The following LPAR4 variants were observed in gnomAD, a reference collection of about 807,000 sequenced individuals.
LPAR4 encodes the protein lysophosphatidic acid receptor 4, also known as G-protein coupled receptor 23.
Under a neutral mutation model 9.2 loss-of-function variants are expected in LPAR4, and 14 were observed. The ratio of observed to expected loss-of-function variants is 1.51; its 90% confidence interval spans 1.00 to 2.37. The LOEUF is 2.37. Among genes scored for constraint, LPAR4 ranks in the 30% most tolerant of loss-of-function variants. The pLI is 0.00. For synonymous variants in LPAR4, 131 were observed against 97.9 expected (o/e 1.34, Z -1.99); for missense variants, 251 against 272.1 (o/e 0.92, Z 0.55).
At chrX:78,753,419 G>A (rs1434007325) in intron 4 of LPAR4, among the ~76,000 whole-genome samples, 4 of 111,516 alleles carry the variant, frequency 3.6e-5, no homozygotes, top group Non-Finnish European at 7.5e-5. Flanking sequence ...ACCTGTATGG[G>A]AAATATTACC....
intron 4 of LPAR4, among the ~76,000 whole-genome samples, chrX:78,753,889 A>G (rs190769095): frequency 8.9e-6 from 1 of 111,829 alleles, no homozygotes; most frequent in African/African-American, 3.2e-5. Context: ...AATGGGAGCT[A>G]TGAATAGGGC....
Position 78,757,967 on chromosome X carries a change from G to A in LPAR4, c.*1985G>A, listed in dbSNP as rs1036885820. 1.8e-5 allele frequency among the ~76,000 whole-genome samples: 2 copies of A among 111,555 alleles called. No individual in the cohort carries two copies. Among genetic ancestry groups the A allele is most frequent in the Non-Finnish European group, 3.8e-5 (2 of 52,928 alleles). ...GCAAATTTTTAAAACTCATTAACTT[G>A]TTTTTCTTTCTGATGATATGCAGAC... is the stretch of plus-strand genomic sequence containing the variant. On this transcript the variant is annotated 3_prime_UTR_variant, in exon 5 of 5. Coordinates refer to ENST00000614823, the MANE Select transcript of LPAR4 (RefSeq NM_001278000.3).
chrX:78,757,254 A>G lies in LPAR4; in HGVS notation c.*1272A>G, dbSNP rs937460754. ...CATTTGCATAACATTTTGAAGCACAACGCAGCTACCAAGTGGCTAAATTCG... is the reference window on the plus strand; with the variant it reads ...CATTTGCATAACATTTTGAAGCACAGCGCAGCTACCAAGTGGCTAAATTCG... On this transcript the variant is annotated 3_prime_UTR_variant, in exon 5 of 5. Transcript: ENST00000614823. Among the ~76,000 whole-genome samples, 6 of 111,885 alleles carry G rather than the reference A, an allele frequency of 5.4e-5. No individual in the cohort carries two copies. Among genetic ancestry groups the G allele is most frequent in the African/African-American group, 1.9e-4 (6 of 30,894 alleles).
chrX:78,755,694 G>A lies in LPAR4; in HGVS notation c.825G>A (p.Val275=). Residue 275 remains valine, a synonymous_variant, in exon 5 of 5, where the codon GTG becomes GTA. Transcript: ENST00000614823. Reference sequence around the variant, plus strand: ...CTGTCCTCTTCTTGTATGCCCTGGTGCGCTCCCAAGCTATTACTAATTGCT... The same window carrying A: ...CTGTCCTCTTCTTGTATGCCCTGGTACGCTCCCAAGCTATTACTAATTGCT... ...YNSVLFLYAL[V]RSQAITNCFL... The A allele has an allele frequency of 8.3e-7, 1 of 1,210,093 alleles. No homozygotes were observed. Among genetic ancestry groups the A allele is most frequent in the East Asian group, 3.0e-5 (1 of 33,799 alleles).
chrX:78,749,916 G>A (rs1385131312), intron 1 of LPAR4, among the ~76,000 whole-genome samples: 2 of 111,403 alleles, frequency 1.8e-5, no homozygotes, highest in African/African-American at 6.5e-5. Context: ...AAGATTAAAG[G>A]AGAAGAGAAA....
At chrX:78,752,359 C>T (rs1381889583) in intron 4 of LPAR4, among the ~76,000 whole-genome samples, 1 of 111,676 alleles carries the variant, frequency 9.0e-6, no homozygotes, top group Non-Finnish European at 1.9e-5. Flanking sequence ...GTGACCTATG[C>T]CTGTGACTTG....
intron 4 of LPAR4, among the ~76,000 whole-genome samples, chrX:78,753,083 A>G (rs1925139557): frequency 8.9e-6 from 1 of 111,817 alleles, no homozygotes; most frequent in Non-Finnish European, 1.9e-5. Flanking sequence ...CAGCTACCCA[A>G]CACTCTCTGA....
rs1925355236 is a variant in LPAR4, at chrX:78,757,490, G to A, written c.*1508G>A. 9.0e-6 allele frequency among the ~76,000 whole-genome samples: 1 copy of A among 111,664 alleles called. No individual in the cohort carries two copies. The highest frequency in any genetic ancestry group is 1.9e-5 in the Non-Finnish European group (1 of 52,977). ...CCCAGTTTAAAAGGAATTAAAAACA[G>A]TATTTTAAAATCTACAAAAAAAGAG... On this transcript the variant is annotated 3_prime_UTR_variant, in exon 5 of 5. Transcript: ENST00000614823.
intron 1 of LPAR4, among the ~76,000 whole-genome samples, chrX:78,749,851 GT>G (rs1391391244): frequency 9.0e-6 from 1 of 111,520 alleles, no homozygotes; most frequent in East Asian, 2.8e-4. Flanking sequence ...AGAACAGCCA[GT>G]AAGGCCACCA....
At chrX:78,751,144 T>A (rs922311099) in intron 3 of LPAR4, 66 bp from the exon 4 acceptor site, 2 of 111,681 alleles carry the variant, frequency 1.8e-5, no homozygotes, top group African/African-American at 6.5e-5. Context: ...ATTGAAAATA[T>A]ACATTTTATT....
chrX:78,754,707 A>T (rs772528245), intron 4 of LPAR4, 84 bp from the exon 5 acceptor site: 31 of 423,226 alleles, frequency 7.3e-5, no homozygotes, highest in African/African-American at 6.7e-4. Context: ...TTTTCTTCCA[A>T]TCTGGGTGGA....
rs1925401946 is a variant in LPAR4, at chrX:78,758,545, T to C, written c.*2563T>C. Among the ~76,000 whole-genome samples, 2 of 111,720 alleles carry C rather than the reference T, an allele frequency of 1.8e-5. No individual in the cohort carries two copies. The highest frequency in any genetic ancestry group is 3.8e-5 in the Non-Finnish European group (2 of 53,014). On this transcript the variant is annotated 3_prime_UTR_variant, in exon 5 of 5. Transcript: ENST00000614823. ...CAAATTTCCATTTTTATAGTTAATA[T>C]AAATTGCTAATAATAAAACTTGTCA...
rs754053705 is a variant in LPAR4, at chrX:78,756,530, G to A, written c.*548G>A. 2 of 122,616 alleles carry A rather than the reference G, an allele frequency of 1.6e-5. No homozygotes were observed. Among genetic ancestry groups the A allele is most frequent in the African/African-American group, 3.3e-5 (1 of 30,699 alleles). 10.1% of individuals were successfully genotyped at this position (122,616 alleles called of 1,213,427 possible). A position where few individuals can be genotyped will look rare whatever the true frequency, so the allele number is the denominator to read the frequency against. The stretch of plus-strand genomic sequence containing the variant: ...ATTTTGAAAACAGAAAACAAATTGC[G>A]TTGGCATGTACGTGGGTGGGAAGAA... On this transcript the variant is annotated 3_prime_UTR_variant, in exon 5 of 5. Transcript: ENST00000614823.
Position 78,754,910 on chromosome X carries a change from C to A in LPAR4, c.41C>A (p.Ser14Ter). Residue 14 changes from serine to a stop codon, truncating the protein, a stop_gained, in exon 5 of 5, where the codon TCA becomes TAA. Coordinates refer to ENST00000614823, the MANE Select transcript of LPAR4 (RefSeq NM_001278000.3). LOFTEE classifies it high-confidence loss of function. ...RRFIDFQFQD[S>*]NSSLRPRLGN... ...TTCATTGACTTCCAATTCCAAGATT[C>A]AAATTCAAGCCTCAGACCCAGGTTG... The A allele has an allele frequency of 8.3e-7, 1 of 1,199,569 alleles. No homozygotes were observed. Among genetic ancestry groups the A allele is most frequent in the Non-Finnish European group, 1.1e-6 (1 of 890,412 alleles).
intron 4 of LPAR4, among the ~76,000 whole-genome samples, chrX:78,753,702 T>C (rs1455251895): frequency 8.9e-6 from 1 of 112,439 alleles, no homozygotes; most frequent in Non-Finnish European, 1.9e-5. Context: ...TGAATCTTCC[T>C]AGCTTTAGCT....
In LPAR4 at chrX:78,757,941, A is replaced by G. The variant is rs1321030600; in HGVS notation, c.*1959A>G. 8.9e-6 allele frequency among the ~76,000 whole-genome samples: 1 copy of G among 111,922 alleles called. No individual in the cohort carries two copies. Among genetic ancestry groups the G allele is most frequent in the African/African-American group, 3.2e-5 (1 of 30,919 alleles). ...AAAAAGTAAAACTTCTAAAACAATA[A>G]GCAAATTTTTAAAACTCATTAACTT... On this transcript the variant is annotated 3_prime_UTR_variant, in exon 5 of 5. Coordinates refer to ENST00000614823, the MANE Select transcript of LPAR4 (RefSeq NM_001278000.3).
Position 78,757,999 on chromosome X carries a change from A to G in LPAR4, c.*2017A>G, listed in dbSNP as rs1374119168. Among the ~76,000 whole-genome samples, 1 of 112,061 alleles carries G rather than the reference A, an allele frequency of 8.9e-6. No individual in the cohort carries two copies. The highest frequency in any genetic ancestry group is 3.2e-5 in the African/African-American group (1 of 30,971). On this transcript the variant is annotated 3_prime_UTR_variant, in exon 5 of 5. Coordinates refer to ENST00000614823, the MANE Select transcript of LPAR4 (RefSeq NM_001278000.3). The stretch of plus-strand genomic sequence containing the variant: ...TTTCTGATGATATGCAGACTTAAAA[A>G]TACTGAGACTTTTAAGTAAAAATCT...
At position 78,750,163 on chromosome X, in the gene LPAR4, T is replaced by C. The variant is rs1245492274; in HGVS notation, c.-294-11T>C. On this transcript the variant is annotated splice_polypyrimidine_tract_variant and intron_variant, in intron 1 of 4. Transcript: ENST00000614823. ...CCAATAAAATGGAATAAAATATTCA[T>C]TTCATTCCAGGAAGACAGATTTCTG... 1 of 112,098 alleles carries C rather than the reference T, an allele frequency of 8.9e-6. No individual in the cohort carries two copies. The highest frequency in any genetic ancestry group is 1.9e-5 in the Non-Finnish European group (1 of 53,186). 9.2% of individuals were successfully genotyped at this position (112,098 alleles called of 1,213,427 possible).
In LPAR4 at chrX:78,756,355, T is replaced by A. The variant is rs887139018; in HGVS notation, c.*373T>A. ...AATATAGAACAAATTCAGGGATTTT[T>A]AAAAAATTGTGTTACTACTGATATA... On this transcript the variant is annotated 3_prime_UTR_variant, in exon 5 of 5. Transcript: ENST00000614823. The A allele has an allele frequency of 7.0e-6, 1 of 142,821 alleles. No homozygotes were observed. The highest frequency in any genetic ancestry group is 1.5e-5 in the Non-Finnish European group (1 of 65,502). 11.8% of individuals were successfully genotyped at this position (142,821 alleles called of 1,213,427 possible). A position where few individuals can be genotyped will look rare whatever the true frequency, so the allele number is the denominator to read the frequency against.
Sources: allele counts gnomAD v4.1 joint callset (sites outside exome capture counted in the v4.1 genomes callset), GRCh38; gene constraint gnomAD v4.1.1; transcripts MANE v1.5; gene names NCBI Gene and HGNC (gene_info 2026-07-23, HGNC 2026-07-21).